The following TCEANC variants were observed in gnomAD, a reference collection of about 807,000 sequenced individuals.
TCEANC encodes transcription elongation factor A N-terminal and central domain-containing protein.
Under a neutral mutation model 8.7 loss-of-function variants are expected in TCEANC, and 8 were observed. The ratio of observed to expected loss-of-function variants is 0.92; its 90% CI spans 0.54 to 1.65. The LOEUF (loss-of-function observed/expected upper bound fraction) is 1.65. Among genes scored for constraint, TCEANC ranks in the 40% most tolerant of loss-of-function variants. The pLI is 0.00. For synonymous variants in TCEANC, 78 were observed against 92.9 expected, an observed-to-expected ratio of 0.84 and a Z score of 0.92; for missense variants, 255 against 251.9, an observed-to-expected ratio of 1.01 and a Z score of -0.08.
At chrX:13,661,676 A>G (rs2045967258) in intron 1 of TCEANC, among the ~76,000 whole-genome samples, 2 of 112,686 alleles carry the variant, frequency 1.8e-5, no homozygotes, top group Admixed American at 1.9e-4. Context: ...ATGTGGAGGG[A>G]AAAAATAGAC....
At chrX:13,653,281 T>G (rs2045896245), upstream of TCEANC, 1 of 112,855 alleles carries the variant, frequency 8.9e-6, no homozygotes, top group Non-Finnish European at 1.9e-5. Context: ...GCGGCAGCTT[T>G]CCGGTGCGCC....
chrX:13,658,932 T>C (rs1238533272), intron 1 of TCEANC, among the ~76,000 whole-genome samples: 7 of 112,655 alleles, frequency 6.2e-5, no homozygotes, highest in Non-Finnish European at 1.1e-4. Context: ...TTCCTAATTA[T>C]TGTGAACCAG....
In TCEANC at chrX:13,662,600, C is replaced by T. The variant is rs1488253058; in HGVS notation, c.92C>T (p.Thr31Ile). 5 of 1,211,720 alleles carry T rather than the reference C, an allele frequency of 4.1e-6. No homozygotes were observed. The Admixed American group carries it at 1.1e-4, about 26-fold the overall frequency. ...TTTGAGGATCTTGGCAACCACCTTACTGAGCTAGAAACAATTTATGTGACT... is the reference window on the plus strand; with the variant it reads ...TTTGAGGATCTTGGCAACCACCTTATTGAGCTAGAAACAATTTATGTGACT... The change falls in exon 2 of 2, where the codon ACT becomes ATT. Residue 31 changes from threonine to isoleucine, a missense_variant. Thr to Ile is a moderately conservative substitution (Grantham distance 89). Transcript: ENST00000380600.
chrX:13,663,938 T>C (rs1227035060), exon 2 of TCEANC: 1 of 144,762 alleles, frequency 6.9e-6, no homozygotes, highest in Non-Finnish European at 1.5e-5. Flanking sequence ...AGTGCTACTT[T>C]AGCAATAGGC....
intron 1 of TCEANC, among the ~76,000 whole-genome samples, chrX:13,658,152 G>A (rs1186373494): frequency 1.8e-5 from 2 of 111,982 alleles, no homozygotes; most frequent in East Asian, 5.5e-4. Flanking sequence ...GGGACAGAAG[G>A]GCAGTGGAGT....
chrX:13,655,362 C>T (rs2045917476), exon 1 of TCEANC: 1 of 112,094 alleles, frequency 8.9e-6, no homozygotes, highest in African/African-American at 3.2e-5. Flanking sequence ...TGTTGCCTTC[C>T]ACTGTGAAGA....
At chrX:13,661,031 A>C (rs1213983369) in intron 1 of TCEANC, among the ~76,000 whole-genome samples, 1 of 110,972 alleles carries the variant, frequency 9.0e-6, no homozygotes, top group East Asian at 2.8e-4. Context: ...TTTTTAGTAG[A>C]GATGGGGTTT....
chrX:13,663,849 C>G (rs1418865137), exon 2 of TCEANC: 1 of 243,301 alleles, frequency 4.1e-6, no homozygotes, highest in East Asian at 7.1e-5. Flanking sequence ...AAATGCATTC[C>G]CAGGCCTCAC....
At chrX:13,653,309 G>A (rs1018634081), upstream of TCEANC, 2 of 111,289 alleles carry the variant, frequency 1.8e-5, no homozygotes, top group Non-Finnish European at 3.8e-5. Context: ...GCGTAGATCC[G>A]AAGGTGCTCG....
Position 13,662,615 on chromosome X carries a change from T to G in TCEANC, c.107T>G (p.Ile36Ser), listed in dbSNP as rs1429161092. The change falls in exon 2 of 2, where the codon ATT becomes AGT. Residue 36 changes from isoleucine to serine, a missense_variant. Physicochemically the swap from Ile to Ser is moderately radical, Grantham distance 142. Coordinates refer to ENST00000380600, the Ensembl canonical transcript of TCEANC. ...AACCACCTTACTGAGCTAGAAACAA[T>G]TTATGTGACTAAGGAGCATCTCCAG... 2 of 1,211,454 alleles carry G rather than the reference T, an allele frequency of 1.7e-6. No homozygotes were observed. The highest frequency in any genetic ancestry group is 2.2e-6 in the Non-Finnish European group (2 of 895,392).
chrX:13,654,951 A>G (rs2045913702), upstream of TCEANC, among the ~76,000 whole-genome samples: 1 of 111,088 alleles, frequency 9.0e-6, no homozygotes, highest in Non-Finnish European at 1.9e-5. Flanking sequence ...AAAGAAGCCA[A>G]GGGGCACTGG....
At position 13,663,659 on chromosome X, in the gene TCEANC, C is replaced by T. The variant is rs1203273715; in HGVS notation, c.*95C>T. ...TTAAAAATCTTATACACACTACTCT[C>T]TAAAACAGAAAAAGGAGGAAAGAAA... On this transcript the variant is annotated 3_prime_UTR_variant, in exon 2 of 2. Transcript: ENST00000380600. 6.1e-6 allele frequency: 5 copies of T among 821,769 alleles called. No individual in the cohort carries two copies. The East Asian group carries it at 1.5e-4, about 24-fold the overall frequency. 67.7% of individuals were successfully genotyped at this position (821,769 alleles called of 1,213,427 possible).
chrX:13,655,685 G>A (rs1014997657), intron 1 of TCEANC, among the ~76,000 whole-genome samples: 1 of 112,506 alleles, frequency 8.9e-6, no homozygotes, highest in African/African-American at 3.2e-5. Context: ...GAGCCAATAT[G>A]CAGGCCCTAC....
At chrX:13,664,807 C>G (rs943136663) in exon 2 of TCEANC, 1 of 123,544 alleles carries the variant, frequency 8.1e-6, no homozygotes, top group African/African-American at 3.2e-5. Flanking sequence ...AATTGTTTGA[C>G]TACAACACGC....
intron 1 of TCEANC, among the ~76,000 whole-genome samples, chrX:13,657,628 T>C (rs1014431505): frequency 9.1e-6 from 1 of 109,698 alleles, no homozygotes; most frequent in Non-Finnish European, 1.9e-5. Context: ...GCCAACATGA[T>C]GAAACCCTGT....
chrX:13,664,911 A>G lies in TCEANC; in HGVS notation c.*1347A>G, dbSNP rs944974830. 51 of 123,387 alleles carry G rather than the reference A, an allele frequency of 4.1e-4. 1 individual carries two copies. Among genetic ancestry groups the G allele is most frequent in the African/African-American group, 1.5e-3 (47 of 30,818 alleles). The allele number at this position is 123,387 out of a possible 1,213,427, so 10.2% of individuals were successfully genotyped here. A position where few individuals can be genotyped will look rare whatever the true frequency, so the allele number is the denominator to read the frequency against. On this transcript the variant is annotated 3_prime_UTR_variant, in exon 2 of 2. Coordinates refer to ENST00000380600, the Ensembl canonical transcript of TCEANC. ...TAAAAAGTTTACTTTGGCGGTCTCT[A>G]CAAACCTACCATTTCACTTTCTCAC...
At chrX:13,654,309 A>G (rs116144691), upstream of TCEANC, among the ~76,000 whole-genome samples, 5,104 of 112,703 alleles carry the variant, frequency 0.045, 184 homozygotes, top group African/African-American at 0.13. Flanking sequence ...TCAACAAACT[A>G]TGGCCTGCAG....
At chrX:13,657,807 CA>C (rs34205512) in intron 1 of TCEANC, among the ~76,000 whole-genome samples, 10,026 of 67,965 alleles carry the variant, frequency 0.15, 496 homozygotes, top group Admixed American at 0.21. Flanking sequence ...GACTCCATCT[CA>C]AAAAAAAAAA....
chrX:13,657,354 A>G (rs989549060), intron 1 of TCEANC, among the ~76,000 whole-genome samples: 24 of 112,390 alleles, frequency 2.1e-4, no homozygotes, highest in Admixed American at 1.0e-3. Flanking sequence ...ATCCAATAAC[A>G]TAACCATTTA....
Sources: gnomAD v4.1 joint callset for allele counts (sites outside exome capture counted in the v4.1 genomes callset) on GRCh38, gnomAD v4.1.1 for gene constraint, MANE v1.5 for transcripts, NCBI Gene and HGNC (gene_info 2026-07-23, HGNC 2026-07-21) for gene names.